The following DDX46 variants were observed in gnomAD, a reference collection of about 807,000 sequenced individuals.
The protein encoded by DDX46 is probable ATP-dependent RNA helicase DDX46.
DDX46 carries 30 observed loss-of-function variants against 134.9 expected under a neutral mutation model. The observed-to-expected ratio is 0.22, with a 90% CI of 0.17 to 0.30. The LOEUF (loss-of-function observed/expected upper bound fraction) is 0.30, where lower values mean the gene tolerates loss of function less well. Ranked by LOEUF, DDX46 falls within the 10% of genes least tolerant of loss-of-function variation. The pLI, the probability that DDX46 is intolerant of heterozygous loss-of-function variation, is 1.00. For synonymous variants in DDX46, 415 were observed against 404.1 expected (o/e 1.03, Z -0.32); for missense variants, 622 against 1,248.7 (o/e 0.50, Z 7.56).
chr5:134,785,136 G>A (rs1465059037), intron 10 of DDX46, among the ~76,000 whole-genome samples: 3 of 152,228 alleles, frequency 2.0e-5, no homozygotes, highest in East Asian at 3.9e-4. Flanking sequence ...TGGCTTCTGT[G>A]GCACAGTGAG....
chr5:134,780,144 G>A (rs200800171), intron 6 of DDX46, among the ~76,000 whole-genome samples: 4 of 148,280 alleles, frequency 2.7e-5, no homozygotes, highest in South Asian at 4.2e-4. Flanking sequence ...GTGTGTATAT[G>A]TATATATGTG....
Position 134,784,513 on chromosome 5 carries a change from G to A in DDX46, c.1314G>A (p.Arg438=). ...LPMFRHIMDQ[R]SLEEGEGPIA... ...TGTTTAGACACATCATGGATCAGAGGTCATTAGAGGAAGGAGAGGGGCCAA... is the reference window on the plus strand; with the variant it reads ...TGTTTAGACACATCATGGATCAGAGATCATTAGAGGAAGGAGAGGGGCCAA... Residue 438 remains arginine, a synonymous_variant, in exon 10 of 23, where the codon AGG becomes AGA. Coordinates refer to ENST00000452510, the MANE Select transcript of DDX46 (RefSeq NM_001300860.2). 1.2e-6 allele frequency: 2 copies of A among 1,609,582 alleles called. No homozygotes were observed. The highest frequency in any genetic ancestry group is 8.5e-7 in the Non-Finnish European group (1 of 1,178,792).
At chr5:134,824,953 C>CT (rs1376252176) in intron 21 of DDX46, among the ~76,000 whole-genome samples, 2 of 152,162 alleles carry the variant, frequency 1.3e-5, no homozygotes, top group African/African-American at 4.8e-5. Flanking sequence ...GTGACCCTCT[C>CT]TTTTTACTAG....
rs1272992014 is a variant in DDX46, at chr5:134,800,531, G to A, written c.1954+4381G>A. Among the ~76,000 whole-genome samples the A allele has an allele frequency of 4.6e-5, 7 of 152,200 alleles. No individual in the cohort carries two copies. In the East Asian group the frequency reaches 9.7e-4, roughly 21 times the overall value. On this transcript the variant is annotated intron_variant, in intron 15 of 22. Coordinates refer to ENST00000452510, the MANE Select transcript of DDX46 (RefSeq NM_001300860.2). ...ATTTTGGTTGCTTTAGCCACATCCC[G>A]CAGAATATACCATAATCAGGTTGCA... is the stretch of plus-strand genomic sequence containing the variant.
At chr5:134,804,028 G>T (rs749275906) in intron 15 of DDX46, among the ~76,000 whole-genome samples, 1 of 151,150 alleles carries the variant, frequency 6.6e-6, no homozygotes, top group African/African-American at 2.4e-5. Context: ...GACCTCCAGG[G>T]CTCAAGCTGT....
intron 16 of DDX46, among the ~76,000 whole-genome samples, chr5:134,808,720 A>T (rs1755059508): frequency 6.6e-6 from 1 of 151,990 alleles, no homozygotes; most frequent in South Asian, 2.1e-4. Context: ...TTTTTGACTC[A>T]CCTGTATTCT....
intron 21 of DDX46, among the ~76,000 whole-genome samples, chr5:134,820,286 A>G (rs1314788785): frequency 6.6e-6 from 1 of 151,784 alleles, no homozygotes; most frequent in Non-Finnish European, 1.5e-5. Flanking sequence ...GTTTTCTGAC[A>G]TTATGTGAAA....
chr5:134,825,157 T>C (rs891339251), intron 21 of DDX46, among the ~76,000 whole-genome samples: 3 of 152,192 alleles, frequency 2.0e-5, no homozygotes, highest in Non-Finnish European at 2.9e-5. Flanking sequence ...GGTGAGAGTG[T>C]CATTTTCCTT....
Position 134,828,761 on chromosome 5 carries a change from C to A in DDX46, c.*55C>A. 8.0e-7 allele frequency: 1 copy of A among 1,254,596 alleles called. No individual in the cohort carries two copies. 77.7% of individuals were successfully genotyped at this position (1,254,596 alleles called of 1,614,324 possible). ...TGGTCTATGATGTATGTGGCAGTTGCTGTCTGCAGTTTACAATGTATTGTA... is the reference window on the plus strand; with the variant it reads ...TGGTCTATGATGTATGTGGCAGTTGATGTCTGCAGTTTACAATGTATTGTA... On this transcript the variant is annotated 3_prime_UTR_variant, in exon 23 of 23. Coordinates refer to ENST00000452510, the MANE Select transcript of DDX46 (RefSeq NM_001300860.2).
intron 15 of DDX46, among the ~76,000 whole-genome samples, chr5:134,796,853 T>TAA (rs140818499): frequency 2.2e-3 from 177 of 81,358 alleles, no homozygotes; most frequent in East Asian, 6.7e-3. Context: ...ACTCTCTCCA[T>TAA]AAAAAAAAAA....
At chr5:134,765,554 A>G (rs1476497134) in intron 2 of DDX46, among the ~76,000 whole-genome samples, 1 of 151,866 alleles carries the variant, frequency 6.6e-6, no homozygotes, top group African/African-American at 2.4e-5. Context: ...CTCCATCTCA[A>G]AACAGAAAAA....
chr5:134,810,697 T>C (rs1406334343), intron 16 of DDX46, among the ~76,000 whole-genome samples: 1 of 151,792 alleles, frequency 6.6e-6, no homozygotes, highest in Non-Finnish European at 1.5e-5. Context: ...TCTAGTTTGC[T>C]TGTGTTATTT....
chr5:134,778,127 A>G (rs1482605408), intron 6 of DDX46, among the ~76,000 whole-genome samples: 1 of 149,058 alleles, frequency 6.7e-6, no homozygotes, highest in Non-Finnish European at 1.5e-5. Flanking sequence ...TATGCAGTCT[A>G]CCTACCTCAG....
intron 1 of DDX46, among the ~76,000 whole-genome samples, chr5:134,759,805 G>A (rs1269810668): frequency 2.0e-5 from 3 of 152,200 alleles, no homozygotes; most frequent in Admixed American, 6.5e-5. Flanking sequence ...TATAAACCGT[G>A]TAATCATCAC....
intron 5 of DDX46, among the ~76,000 whole-genome samples, chr5:134,774,497 A>G (rs1033775115): frequency 6.6e-6 from 1 of 152,168 alleles, no homozygotes; most frequent in African/African-American, 2.4e-5. Context: ...GAGATTGTAA[A>G]AGCTCCTTTT....
intron 19 of DDX46, chr5:134,817,001 T>C: frequency 5.6e-6 from 1 of 177,112 alleles, no homozygotes; most frequent in Non-Finnish European, 1.2e-5. Flanking sequence ...TGGAGAAATG[T>C]GATTTTTAAA....
chr5:134,764,931 T>C (rs964919767), intron 2 of DDX46, among the ~76,000 whole-genome samples: 1 of 151,900 alleles, frequency 6.6e-6, no homozygotes, highest in Non-Finnish European at 1.5e-5. Context: ...TTCTTCATTT[T>C]GCTAAACAGT....
intron 20 of DDX46, 54 bp from the exon 21 acceptor site, chr5:134,818,806 G>A: frequency 6.5e-7 from 1 of 1,545,346 alleles, no homozygotes; most frequent in Non-Finnish European, 8.7e-7. Context: ...AGCACTCCTG[G>A]ATTTTTTTGT....
chr5:134,785,689 C>T (rs899411736), intron 11 of DDX46, 103 bp downstream of exon 11: 1 of 1,316,296 alleles, frequency 7.6e-7, no homozygotes, highest in African/African-American at 1.5e-5. Flanking sequence ...ATAGTGATTG[C>T]TTCTAAAATC....
Sources: allele counts gnomAD v4.1 joint callset (sites outside exome capture counted in the v4.1 genomes callset), GRCh38; gene constraint gnomAD v4.1.1; transcripts MANE v1.5; gene names NCBI Gene and HGNC (gene_info 2026-07-23, HGNC 2026-07-21).